Variants in ZZEF1 observed in about 807,000 individuals in gnomAD.
ZZEF1 encodes zinc finger ZZ-type and EF-hand domain containing 1.
In ZZEF1, 157 loss-of-function variants were observed where a neutral mutation model predicts 342.8. That is an observed-to-expected ratio of 0.46 (90% CI 0.40 to 0.52). The LOEUF (loss-of-function observed/expected upper bound fraction) is 0.52, where lower values mean the gene tolerates loss of function less well. ZZEF1 is among the 20% of genes least tolerant of loss of function. The pLI, the probability that ZZEF1 is intolerant of heterozygous loss-of-function variation, is 0.00. For missense variants in ZZEF1, 3,480 were observed against 3,725.6 expected, an observed-to-expected ratio of 0.93 and a Z score of 1.72; for synonymous variants, 1,505 against 1,429.1, an observed-to-expected ratio of 1.05 and a Z score of -1.20.
chr17:4,102,807 T>C (rs542554220), intron 8 of ZZEF1, among the ~76,000 whole-genome samples: 1 of 152,326 alleles, frequency 6.6e-6, no homozygotes, highest in Non-Finnish European at 1.5e-5. Context: ...TAGGTCTCGT[T>C]TCTTTAAATC....
intron 1 of ZZEF1, among the ~76,000 whole-genome samples, chr17:4,127,661 G>A (rs9892386): frequency 0.15 from 23,545 of 152,024 alleles, 2,013 homozygotes; most frequent in African/African-American, 0.22. Flanking sequence ...GCAGTATGGC[G>A]TGTGGACTAG....
intron 2 of ZZEF1, 134 bp from the exon 3 acceptor site, chr17:4,117,300 A>G: frequency 1.4e-6 from 1 of 695,642 alleles, no homozygotes. Flanking sequence ...TTCAGTTTTA[A>G]TTGTTAAAAA....
chr17:4,080,758 T>G (rs2057708861), intron 18 of ZZEF1, among the ~76,000 whole-genome samples: 1 of 151,880 alleles, frequency 6.6e-6, no homozygotes, highest in Non-Finnish European at 1.5e-5. Context: ...ATCTGTGTGT[T>G]GGGCTCACTG....
In ZZEF1 at chr17:4,044,383, AC is replaced by A. The variant is rs1567789167; in HGVS notation, c.6016-10del. 7 of 1,602,492 alleles carry A rather than the reference AC, an allele frequency of 4.4e-6. No homozygotes were observed. Among genetic ancestry groups the A allele is most frequent in the Non-Finnish European group, 5.1e-6 (6 of 1,176,254 alleles). On this transcript the variant is annotated splice_polypyrimidine_tract_variant and intron_variant, in intron 37 of 54. Coordinates refer to ENST00000381638, the MANE Select transcript of ZZEF1 (RefSeq NM_015113.4). The stretch of plus-strand genomic sequence containing the variant: ...TGAACAGCTCTCTTTCCCTAAAAAA[AC>A]AAAAGTGTAAAAGAATTAAGGTTTC...
intron 39 of ZZEF1, among the ~76,000 whole-genome samples, chr17:4,036,063 G>A (rs1391757066): frequency 5.3e-5 from 7 of 133,136 alleles, no homozygotes; most frequent in African/African-American, 1.8e-4. Context: ...TTGCACCACT[G>A]CACTACAGCC....
At chr17:4,025,148 A>T in intron 42 of ZZEF1, 30 bp from the exon 43 acceptor site, 1 of 1,605,736 alleles carries the variant, frequency 6.2e-7, no homozygotes, top group Non-Finnish European at 8.5e-7. Flanking sequence ...AGAAAAAGAA[A>T]GGCACAAAAG....
At chr17:4,082,599 T>A in intron 16 of ZZEF1, 95 bp from the exon 17 acceptor site, 1 of 1,189,294 alleles carries the variant, frequency 8.4e-7, no homozygotes, top group South Asian at 1.3e-5. Flanking sequence ...CCCACTGTTC[T>A]CAAGTATGAG....
At position 4,049,829 on chromosome 17, in the gene ZZEF1, A is replaced by G; in HGVS notation, c.5894T>C (p.Leu1965Ser). 1 of 1,614,204 alleles carries G rather than the reference A, an allele frequency of 6.2e-7. No individual in the cohort carries two copies. The highest frequency in any genetic ancestry group is 8.5e-7 in the Non-Finnish European group (1 of 1,180,026). The stretch of plus-strand genomic sequence containing the variant: ...TTCTAGGCTCGAGTCCCCATCTGGC[A>G]ATACACCCAGCAAAGCTAGAGCTTT... Reference protein sequence around the residue: ...GLKALALLGVLPDGDSSLEDQ... With the variant: ...GLKALALLGVSPDGDSSLEDQ... Residue 1965 changes from leucine (L) to serine (S), a missense_variant, in exon 37 of 55, where the codon TTG becomes TCG. Coordinates refer to ENST00000381638, the MANE Select transcript of ZZEF1 (RefSeq NM_015113.4).
chr17:4,068,494 C>A (rs2057446310), intron 26 of ZZEF1, among the ~76,000 whole-genome samples: 1 of 152,150 alleles, frequency 6.6e-6, no homozygotes, highest in South Asian at 2.1e-4. Flanking sequence ...ATCATATTGG[C>A]CAGGCTGGTC....
chr17:4,085,828 G>C (rs1215244006), intron 15 of ZZEF1, 25 bp from the exon 16 acceptor site: 2 of 1,612,490 alleles, frequency 1.2e-6, no homozygotes, highest in African/African-American at 2.7e-5. Flanking sequence ...AATGGCATCA[G>C]CTTTCATATA....
In ZZEF1 at chr17:4,017,854, C is replaced by G. The variant is rs1386234937; in HGVS notation, c.7623G>C (p.Met2541Ile). The change falls in exon 47 of 55, where the codon ATG becomes ATC. Residue 2541 changes from methionine (M) to isoleucine (I), a missense_variant. Physicochemically the swap from Met to Ile is conservative, Grantham distance 10. This residue lies in a region of ZZEF1 where 1,269 missense variants were observed against 1,342.4 expected (regional missense o/e 0.95). Transcript: ENST00000381638. This position sits in a 1 kb window ranked among gnomAD's most constrained non-coding sequence, Gnocchi z 5.1. ...GACATACCAAGCATGGCAGGATAAT[C>G]ATGTCTGTATCCACAGCTTTGGCGC... ...EQSAKAVDTD[M>I]IILPCLSRPA... 1 of 1,614,166 alleles carries G rather than the reference C, an allele frequency of 6.2e-7. No homozygotes were observed. The highest frequency in any genetic ancestry group is 8.5e-7 in the Non-Finnish European group (1 of 1,180,032).
chr17:4,114,563 A>C, intron 3 of ZZEF1, 93 bp from the exon 4 acceptor site: 1 of 1,067,066 alleles, frequency 9.4e-7, no homozygotes, highest in Non-Finnish European at 1.3e-6. Context: ...TACGCTTGGT[A>C]CTCTGGCCCT....
intron 2 of ZZEF1, among the ~76,000 whole-genome samples, chr17:4,123,651 C>G (rs2058526299): frequency 6.6e-6 from 1 of 152,024 alleles, no homozygotes; most frequent in South Asian, 2.1e-4. Flanking sequence ...AGGAGGGCTT[C>G]TGTAGTGAAA....
intron 39 of ZZEF1, among the ~76,000 whole-genome samples, chr17:4,041,359 ACT>A (rs2056799580): frequency 6.6e-6 from 1 of 151,360 alleles, no homozygotes; most frequent in South Asian, 2.1e-4. Context: ...ATCAGCCTCA[ACT>A]CCCACGTAGA....
chr17:4,028,937 T>G (rs1468042802), intron 42 of ZZEF1, among the ~76,000 whole-genome samples: 1 of 152,230 alleles, frequency 6.6e-6, no homozygotes, highest in African/African-American at 2.4e-5. Flanking sequence ...GTACGAATAT[T>G]AGATTTCAGA....
At chr17:4,083,370 C>A (rs2057759582) in intron 16 of ZZEF1, among the ~76,000 whole-genome samples, 1 of 152,214 alleles carries the variant, frequency 6.6e-6, no homozygotes, top group African/African-American at 2.4e-5. Context: ...CACCCACAGT[C>A]CAGTGGCTCA....
rs767997749 is a variant in ZZEF1, at chr17:4,076,624, T to G, written c.3234+13A>C. 1.0e-5 allele frequency: 16 copies of G among 1,602,446 alleles called. No individual in the cohort carries two copies. In the East Asian group the frequency reaches 3.6e-4, roughly 36 times the overall value. On this transcript the variant is annotated intron_variant, in intron 21 of 54. Transcript: ENST00000381638. ...AGAGAACACGGGGCGGCTCAAGTGC[T>G]GACTCGAGTTACCTTCCTCAGTCCT...
At chr17:4,078,790 A>G (rs989613054) in intron 18 of ZZEF1, among the ~76,000 whole-genome samples, 10 of 152,240 alleles carry the variant, frequency 6.6e-5, no homozygotes, top group Non-Finnish European at 8.8e-5. Flanking sequence ...TTCCTAGCAC[A>G]GGGCCTAACA....
In ZZEF1 at chr17:4,132,308, G is replaced by A. The variant is rs140525316; in HGVS notation, c.355-8257C>T. 3.1e-4 allele frequency among the ~76,000 whole-genome samples: 47 copies of A among 151,148 alleles called. 1 individual carries two copies. The highest frequency in any genetic ancestry group is 1.2e-3 in the Admixed American group (18 of 15,158). On this transcript the variant is annotated intron_variant, in intron 1 of 54. Coordinates refer to ENST00000381638, the MANE Select transcript of ZZEF1 (RefSeq NM_015113.4). Reference sequence around the variant, plus strand: ...AAGTGATTCCCATGCCTCAGCCTCCGAAGTAGCTGGGATTAAAGGCATGCG... The same window carrying A: ...AAGTGATTCCCATGCCTCAGCCTCCAAAGTAGCTGGGATTAAAGGCATGCG...
Sources: gnomAD v4.1 joint callset for allele counts (sites outside exome capture counted in the v4.1 genomes callset) on GRCh38, gnomAD v4.1.1 for gene constraint, gnomAD v4.1.1 regional missense constraint, Gnocchi (gnomAD v3.1) non-coding constraint, MANE v1.5 for transcripts, NCBI Gene and HGNC (gene_info 2026-07-23, HGNC 2026-07-21) for gene names.